Variants in CAMTA1 observed in about 807,000 individuals in gnomAD.
CAMTA1 encodes the protein calmodulin binding transcription activator 1, also known as calmodulin-binding transcription activator 1.
Under a neutral mutation model 170.9 loss-of-function variants are expected in CAMTA1, and 27 were observed. The ratio of observed to expected loss-of-function variants is 0.16; its 90% CI spans 0.12 to 0.22. CAMTA1 has a LOEUF of 0.22. Ranked by LOEUF, CAMTA1 falls within the 10% of genes least tolerant of loss-of-function variation. The pLI, the probability that CAMTA1 is intolerant of heterozygous loss-of-function variation, is 1.00. For missense variants in CAMTA1, 1,619 were observed against 2,217.2 expected (o/e 0.73, Z 5.42); for synonymous variants, 833 against 891.5 (o/e 0.93, Z 1.17).
intron 5 of CAMTA1, among the ~76,000 whole-genome samples, chr1:7,450,046 G>A (rs2092785423): frequency 6.6e-6 from 1 of 152,092 alleles, no homozygotes; most frequent in Non-Finnish European, 1.5e-5. Context: ...GAGAGATGAG[G>A]CCCAGGATGA....
At chr1:6,794,621 T>G (rs1641988935) in intron 1 of CAMTA1, among the ~76,000 whole-genome samples, 1 of 152,214 alleles carries the variant, frequency 6.6e-6, no homozygotes, top group African/African-American at 2.4e-5. Flanking sequence ...TCACTGTTAT[T>G]TTCTAAGAAT....
intron 4 of CAMTA1, among the ~76,000 whole-genome samples, chr1:7,149,919 T>G (rs551092858): frequency 6.6e-6 from 1 of 152,318 alleles, no homozygotes; most frequent in East Asian, 1.9e-4. Context: ...CAGCCCTGCC[T>G]TCCTTGCCGT....
intron 6 of CAMTA1, among the ~76,000 whole-genome samples, chr1:7,512,679 G>C (rs930618092): frequency 7.2e-5 from 11 of 152,238 alleles, no homozygotes; most frequent in African/African-American, 2.7e-4. Flanking sequence ...GCCAGAGCAA[G>C]TTACATAGCA....
chr1:7,106,219 G>T (rs912395184), intron 4 of CAMTA1, among the ~76,000 whole-genome samples: 2 of 151,516 alleles, frequency 1.3e-5, no homozygotes, highest in Non-Finnish European at 2.9e-5. Flanking sequence ...CTGCAAAGTA[G>T]GTAATGCCTG....
chr1:7,753,628 T>A (rs775404932), intron 21 of CAMTA1, among the ~76,000 whole-genome samples: 2 of 152,180 alleles, frequency 1.3e-5, no homozygotes, highest in Non-Finnish European at 2.9e-5. Context: ...TTATTTGTAC[T>A]TTTACTTAAA....
At chr1:7,507,262 C>A (rs1622341) in intron 6 of CAMTA1, among the ~76,000 whole-genome samples, 43,779 of 151,996 alleles carry the variant, frequency 0.29, 6,564 homozygotes, top group Middle Eastern at 0.47. Flanking sequence ...TTTGCACACT[C>A]GCACACACCC....
intron 6 of CAMTA1, among the ~76,000 whole-genome samples, chr1:7,503,237 G>A (rs984845318): frequency 1.3e-5 from 2 of 152,228 alleles, no homozygotes; most frequent in African/African-American, 4.8e-5. Context: ...GAGAGTCAGG[G>A]CTGGGGGCCG....
intron 4 of CAMTA1, among the ~76,000 whole-genome samples, chr1:7,155,390 G>C (rs922167053): frequency 2.8e-4 from 21 of 74,016 alleles, no homozygotes; most frequent in South Asian, 1.8e-3. Context: ...GCACCGTTGG[G>C]GGGGGGATTG....
chr1:7,528,535 C>CAGGCTG (rs2094455231), intron 6 of CAMTA1, among the ~76,000 whole-genome samples: 1 of 152,046 alleles, frequency 6.6e-6, no homozygotes, highest in Admixed American at 6.6e-5. Flanking sequence ...AGCTCTGAGT[C>CAGGCTG]AGGCTGGTAT....
At chr1:7,288,213 G>A (rs543934280) in intron 5 of CAMTA1, among the ~76,000 whole-genome samples, 41 of 152,322 alleles carry the variant, frequency 2.7e-4, no homozygotes, top group African/African-American at 6.3e-4. Context: ...AGCGCTCTGC[G>A]TGCTGGGCAC....
chr1:6,844,005 A>G (rs887848266), intron 3 of CAMTA1, among the ~76,000 whole-genome samples: 4 of 152,202 alleles, frequency 2.6e-5, no homozygotes, highest in Non-Finnish European at 5.9e-5. Context: ...TTTGCACACC[A>G]TAAAGCCCAG....
At position 7,322,873 on chromosome 1, in the gene CAMTA1, A is replaced by G. The variant is rs559241521; in HGVS notation, c.438+73247A>G. Among the ~76,000 whole-genome samples the G allele has an allele frequency of 3.9e-5, 6 of 151,944 alleles. No individual in the cohort carries two copies. The South Asian group carries it at 8.3e-4, about 21-fold the overall frequency. On this transcript the variant is annotated intron_variant, in intron 5 of 22. Transcript: ENST00000303635. The stretch of plus-strand genomic sequence containing the variant: ...TGACTTCATTGATCCCTTCTCTTGT[A>G]TGCTTGTTTTCCATGTCATAAATTT...
intron 11 of CAMTA1, among the ~76,000 whole-genome samples, chr1:7,705,165 G>C (rs1205309854): frequency 1.3e-5 from 2 of 151,602 alleles, no homozygotes; most frequent in African/African-American, 2.4e-5. Context: ...GTGGGGATCC[G>C]GCGGGCCCGG....
intron 5 of CAMTA1, among the ~76,000 whole-genome samples, chr1:7,318,018 G>A (rs867355636): frequency 7.2e-5 from 11 of 152,182 alleles, no homozygotes; most frequent in Admixed American, 2.0e-4. Context: ...GGATGGCCTG[G>A]GGAAATGGGC....
chr1:6,960,950 G>A lies in CAMTA1; in HGVS notation c.235-130354G>A, dbSNP rs149311026. On this transcript the variant is annotated intron_variant, in intron 3 of 22. Transcript: ENST00000303635. ...CCTGTTTTACAGGTGAGGACACTGA[G>A]GCTCAGAGAGGTTGTGTAACTTCTC... Among the ~76,000 whole-genome samples the A allele has an allele frequency of 3.4e-3, 524 of 152,342 alleles. 6 individuals carry two copies. Among genetic ancestry groups the A allele is most frequent in the African/African-American group, 0.012 (502 of 41,576 alleles).
rs12086249 is a variant in CAMTA1, at chr1:7,665,368, C to T, written c.2652+169C>T. On this transcript the variant is annotated intron_variant, in intron 9 of 22. Coordinates refer to ENST00000303635, the MANE Select transcript of CAMTA1 (RefSeq NM_015215.4). The surrounding 1 kb of genome is among the most constrained non-coding windows in gnomAD (Gnocchi z 4.3). ...TGTCCCCACGGCGCTTGAACACCTC[C>T]GTCTTTCACGCAGTGGTTCTCAAAC... is the stretch of plus-strand genomic sequence containing the variant. 0.013 allele frequency among the ~76,000 whole-genome samples: 1,965 copies of T among 152,256 alleles called. 39 individuals are homozygous for T. The highest frequency in any genetic ancestry group is 0.045 in the African/African-American group (1,863 of 41,544).
rs1435331562 is a variant in CAMTA1, at chr1:6,965,227, GTCTGTGCA to G, written c.235-126075_235-126068del. ...TGTATGACTTTGTGTGCTTGTGTGTGTCTGTGCATGTGTGCATGTGTGTGGGCACGTGC... is the reference window on the plus strand; with the variant it reads ...TGTATGACTTTGTGTGCTTGTGTGTGTGTGTGCATGTGTGTGGGCACGTGC... On this transcript the variant is annotated intron_variant, in intron 3 of 22. Transcript: ENST00000303635. This position sits in a 1 kb window ranked among gnomAD's most constrained non-coding sequence, Gnocchi z 4.1. Among the ~76,000 whole-genome samples, 1 of 152,142 alleles carries G rather than the reference GTCTGTGCA, an allele frequency of 6.6e-6. No individual in the cohort carries two copies. The highest frequency in any genetic ancestry group is 1.5e-5 in the Non-Finnish European group (1 of 68,000).
chr1:7,027,252 C>A (rs905692413), intron 3 of CAMTA1, among the ~76,000 whole-genome samples: 2 of 152,168 alleles, frequency 1.3e-5, no homozygotes, highest in African/African-American at 4.8e-5. Context: ...ACATCACTCA[C>A]TAGCTGCTGA....
At chr1:7,571,088 A>T (rs2095120100) in intron 6 of CAMTA1, among the ~76,000 whole-genome samples, 1 of 152,192 alleles carries the variant, frequency 6.6e-6, no homozygotes, top group African/African-American at 2.4e-5. Context: ...GTCTTAGTCC[A>T]TTGGGCTGCT....
Sources: gnomAD v4.1 joint callset for allele counts (sites outside exome capture counted in the v4.1 genomes callset) on GRCh38, gnomAD v4.1.1 for gene constraint, Gnocchi (gnomAD v3.1) non-coding constraint, MANE v1.5 for transcripts, NCBI Gene and HGNC (gene_info 2026-07-23, HGNC 2026-07-21) for gene names.